TSC22D1: variants seen among roughly 807,000 people sequenced by gnomAD.
The protein encoded by TSC22D1 is TSC22 domain family protein 1.
Under a neutral mutation model 74.2 loss-of-function variants are expected in TSC22D1, and 9 were observed. The observed-to-expected ratio is 0.12, with a 90% confidence interval of 0.07 to 0.21. TSC22D1 has a LOEUF of 0.21. Ranked by LOEUF, TSC22D1 falls within the 10% of genes least tolerant of loss-of-function variation. The pLI, the probability that TSC22D1 is intolerant of heterozygous loss-of-function variation, is 1.00. For synonymous variants in TSC22D1, 586 were observed against 492.5 expected (o/e 1.19, Z -2.51); for missense variants, 1,427 against 1,304.7 (o/e 1.09, Z -1.44).
chr13:44,435,600 G>A (rs1028728614), intron 2 of TSC22D1, among the ~76,000 whole-genome samples: 1 of 152,128 alleles, frequency 6.6e-6, no homozygotes, highest in African/African-American at 2.4e-5. Context: ...CCGCGCCACC[G>A]GGGACCCGTT....
chr13:44,517,899 G>A (rs1880129308), intron 1 of TSC22D1, among the ~76,000 whole-genome samples: 1 of 122,194 alleles, frequency 8.2e-6, no homozygotes, highest in African/African-American at 3.1e-5. Flanking sequence ...TCACTGAGCC[G>A]AGGCTGAGTG....
chr13:44,488,898 A>C (rs929600669), intron 1 of TSC22D1, among the ~76,000 whole-genome samples: 1 of 152,210 alleles, frequency 6.6e-6, no homozygotes, highest in African/African-American at 2.4e-5. Flanking sequence ...TCTTAAATCC[A>C]ATGGTATTCA....
At position 44,432,961 on chromosome 13, in the gene TSC22D1, G is replaced by C. The variant is rs944776535; in HGVS notation, c.*1665C>G. ...ATAGTCATGCAGAATCAACTGCAAG[G>C]ACATCCTTGCTCATCTGGTCCCACC... On this transcript the variant is annotated 3_prime_UTR_variant, in exon 3 of 3. Coordinates refer to ENST00000458659, the MANE Select transcript of TSC22D1 (RefSeq NM_183422.4). 5 of 152,148 alleles carry C rather than the reference G, an allele frequency of 3.3e-5. No individual in the cohort carries two copies. The highest frequency in any genetic ancestry group is 1.2e-4 in the African/African-American group (5 of 41,442). The allele number at this position is 152,148 out of a possible 1,614,324, so 9.4% of individuals were successfully genotyped here.
intron 1 of TSC22D1, among the ~76,000 whole-genome samples, chr13:44,567,573 TTAAAA>T (rs1883463253): frequency 6.6e-6 from 1 of 151,762 alleles, no homozygotes; most frequent in Non-Finnish European, 1.5e-5. Context: ...ACTATCATTA[TTAAAA>T]TAGAATAGTA....
intron 1 of TSC22D1, among the ~76,000 whole-genome samples, chr13:44,558,596 C>G (rs968579732): frequency 6.6e-6 from 1 of 151,918 alleles, no homozygotes. Context: ...AAAAATTAGC[C>G]GGGCATGGTG....
chr13:44,556,433 C>T (rs760249523), intron 1 of TSC22D1, among the ~76,000 whole-genome samples: 1 of 151,610 alleles, frequency 6.6e-6, no homozygotes, highest in Non-Finnish European at 1.5e-5. Context: ...GTACTTCCAG[C>T]TACTAGGGAG....
At position 44,566,112 on chromosome 13, in the gene TSC22D1, C is replaced by T. The variant is rs1883356193; in HGVS notation, c.2912+7051G>A. Among the ~76,000 whole-genome samples the T allele has an allele frequency of 3.3e-5, 5 of 152,116 alleles. No individual in the cohort carries two copies. In the South Asian group the frequency reaches 1.0e-3, roughly 31 times the overall value. On this transcript the variant is annotated intron_variant, in intron 1 of 2. Transcript: ENST00000458659. ...GGAAATGTTATGTTCTATGGCAATT[C>T]CATCAGTTATACGAATACACAAAGC... is the stretch of plus-strand genomic sequence containing the variant.
At position 44,526,977 on chromosome 13, in the gene TSC22D1, A is replaced by G. The variant is rs551821200; in HGVS notation, c.2912+46186T>C. Reference sequence around the variant, plus strand: ...TTAAGAGAAACCTTACCTATTGAGGAACAAGGATAAGAATTACATCAGACA... The same window carrying G: ...TTAAGAGAAACCTTACCTATTGAGGGACAAGGATAAGAATTACATCAGACA... On this transcript the variant is annotated intron_variant, in intron 1 of 2. Transcript: ENST00000458659. Among the ~76,000 whole-genome samples the G allele has an allele frequency of 5.9e-5, 9 of 152,340 alleles. No homozygotes were observed. In the East Asian group the frequency reaches 1.5e-3, roughly 26 times the overall value.
rs139651903 is a variant in TSC22D1, at chr13:44,491,034, C to A, written c.2913-54939G>T. On this transcript the variant is annotated intron_variant, in intron 1 of 2. Transcript: ENST00000458659. ...TATCACAATTAGCCAGGCCTGGTGGCACATGCCTGTGGTCCCAGCCACTTG... is the reference window on the plus strand; with the variant it reads ...TATCACAATTAGCCAGGCCTGGTGGAACATGCCTGTGGTCCCAGCCACTTG... Among the ~76,000 whole-genome samples the A allele has an allele frequency of 4.6e-3, 690 of 151,222 alleles. 4 individuals carry two copies. Among genetic ancestry groups the A allele is most frequent in the African/African-American group, 0.016 (656 of 41,172 alleles).
chr13:44,567,149 C>G (rs1000471023), intron 1 of TSC22D1, among the ~76,000 whole-genome samples: 1 of 152,196 alleles, frequency 6.6e-6, no homozygotes, highest in Non-Finnish European at 1.5e-5. Context: ...TGGGGATCCC[C>G]CAAAACCTTT....
chr13:44,532,658 T>C (rs571232091), intron 1 of TSC22D1, among the ~76,000 whole-genome samples: 2 of 151,994 alleles, frequency 1.3e-5, no homozygotes, highest in East Asian at 3.9e-4. Context: ...ATATTTTTAG[T>C]ACAGACGGGG....
intron 1 of TSC22D1, among the ~76,000 whole-genome samples, chr13:44,527,516 A>T (rs1880606030): frequency 6.6e-6 from 1 of 152,150 alleles, no homozygotes; most frequent in Non-Finnish European, 1.5e-5. Flanking sequence ...TAAAACAAAA[A>T]TTTTTTAAGT....
chr13:44,436,923 A>C (rs979312166), intron 1 of TSC22D1: 7 of 1,050,662 alleles, frequency 6.7e-6, no homozygotes, highest in Admixed American at 1.1e-4. Flanking sequence ...CCGGCACGCC[A>C]CTGGGACCGC....
chr13:44,525,447 A>AGCAT (rs1198862020), intron 1 of TSC22D1, among the ~76,000 whole-genome samples: 3 of 152,134 alleles, frequency 2.0e-5, no homozygotes, highest in Non-Finnish European at 2.9e-5. Flanking sequence ...AAATTAGCCA[A>AGCAT]GCATGGAGGC....
intron 1 of TSC22D1, among the ~76,000 whole-genome samples, chr13:44,524,765 CT>C (rs1452062004): frequency 2.0e-5 from 3 of 152,188 alleles, no homozygotes; most frequent in African/African-American, 7.2e-5. Flanking sequence ...TCTCAAACCC[CT>C]GACTTCAAGT....
rs1258759696 is a variant in TSC22D1 at position 44,570,188 on chromosome 13, CT to C, written c.2912+2974del. Among the ~76,000 whole-genome samples, 792 of 132,386 alleles carry C rather than the reference CT, an allele frequency of 6.0e-3. 2 individuals are homozygous for C. The highest frequency in any genetic ancestry group is 0.012 in the Middle Eastern group (3 of 258). The allele number at this position is 132,386 out of a possible 152,430, so 86.9% of individuals were successfully genotyped here. A position where few individuals can be genotyped will look rare whatever the true frequency, so the allele number is the denominator to read the frequency against. On this transcript the variant is annotated intron_variant, in intron 1 of 2. Transcript: ENST00000458659. ...CATGTTACAGTCTAAGACATTAAGA[CT>C]TTTTTTTTTTTTTTTTTTAGAGACA...
intron 1 of TSC22D1, chr13:44,516,373 G>A: frequency 2.2e-6 from 1 of 446,568 alleles, no homozygotes; most frequent in Non-Finnish European, 4.4e-6. Context: ...TCTCTTAATA[G>A]TCTTTTTAAA....
intron 1 of TSC22D1, among the ~76,000 whole-genome samples, chr13:44,566,293 T>C (rs867597508): frequency 6.6e-6 from 1 of 152,188 alleles, no homozygotes. Context: ...TACTGCTATG[T>C]ATGTAACCTT....
rs570812697 is a variant in TSC22D1 at position 44,550,440 on chromosome 13, G to A, written c.2912+22723C>T. ...CTACTAAAAATACAAAAATTAGCCA[G>A]GTGTGGTGGCGCATGCCTGTAATCC... On this transcript the variant is annotated intron_variant, in intron 1 of 2. Coordinates refer to ENST00000458659, the MANE Select transcript of TSC22D1 (RefSeq NM_183422.4). Among the ~76,000 whole-genome samples the A allele has an allele frequency of 1.5e-4, 23 of 152,112 alleles. No individual in the cohort carries two copies. In the South Asian group the frequency reaches 3.9e-3, roughly 26 times the overall value.
Sources: gnomAD v4.1 joint callset for allele counts (sites outside exome capture counted in the v4.1 genomes callset) on GRCh38, gnomAD v4.1.1 for gene constraint, MANE v1.5 for transcripts, NCBI Gene and HGNC (gene_info 2026-07-23, HGNC 2026-07-21) for gene names.